Variants in OTOA observed in about 807,000 individuals in gnomAD.
OTOA encodes the protein otoancorin.
In OTOA, 70 loss-of-function variants were observed where a neutral mutation model predicts 110.8. That is an observed-to-expected ratio of 0.63 (90% confidence interval 0.52 to 0.77). The LOEUF is 0.77. Ranked by LOEUF, OTOA falls within the 30% of genes least tolerant of loss-of-function variation. The pLI is 0.00. For missense variants in OTOA, 917 were observed against 1,075.8 expected, an observed-to-expected ratio of 0.85 and a Z score of 2.06; for synonymous variants, 373 against 431.5, an observed-to-expected ratio of 0.86 and a Z score of 1.68.
rs1400568118 is a variant in OTOA at position 21,715,020 on chromosome 16, A to G, written c.1356A>G (p.Ala452=). 3.1e-6 allele frequency: 5 copies of G among 1,614,086 alleles called. No individual in the cohort carries two copies. Among genetic ancestry groups the G allele is most frequent in the African/African-American group, 1.3e-5 (1 of 74,948 alleles). The change falls in exon 14 of 29, where the codon GCA becomes GCG. Residue 452 remains alanine (A), a synonymous_variant. Coordinates refer to ENST00000646100, the MANE Select transcript of OTOA (RefSeq NM_144672.4). ...LSFYNVSQMG[A]LLAGVSTQAF... is the part of the protein sequence containing the mutation. ...TCTACAATGTCAGCCAGATGGGCGC[A>G]CTGCTGGCTGGGGTCAGCACCCAGG...
chr16:21,666,150 C>G (rs1333473542), intron 1 of OTOA, among the ~76,000 whole-genome samples: 3 of 152,022 alleles, frequency 2.0e-5, no homozygotes, highest in Non-Finnish European at 4.4e-5. Flanking sequence ...CCACTGTGAG[C>G]TGGGCCATTC....
At chr16:21,691,755 T>C in intron 9 of OTOA, 68 bp downstream of exon 9, 1 of 1,361,834 alleles carries the variant, frequency 7.3e-7, no homozygotes, top group Non-Finnish European at 1.0e-6. Flanking sequence ...GTGTTTCATC[T>C]CTGAAAACAT....
chr16:21,728,193 TC>T (rs754858542), intron 19 of OTOA, 47 bp from the exon 20 acceptor site: 56 of 1,610,048 alleles, frequency 3.5e-5, no homozygotes, highest in Non-Finnish European at 4.8e-5. Context: ...TGGCTCACGA[TC>T]TTATGCTCTG....
chr16:21,706,283 C>A (rs894586652), intron 12 of OTOA, among the ~76,000 whole-genome samples: 1 of 152,182 alleles, frequency 6.6e-6, no homozygotes, highest in Non-Finnish European at 1.5e-5. Flanking sequence ...AGCCATTGCG[C>A]CCAGCTGACG....
At chr16:21,724,304 G>T (rs1237406767) in intron 18 of OTOA, among the ~76,000 whole-genome samples, 3 of 152,138 alleles carry the variant, frequency 2.0e-5, no homozygotes, top group African/African-American at 7.2e-5. Context: ...GGAGAGACAG[G>T]GGAGACCGAA....
intron 11 of OTOA, chr16:21,704,887 T>C (rs1287622195): frequency 1.0e-5 from 8 of 776,626 alleles, no homozygotes; most frequent in Non-Finnish European, 1.9e-5. Context: ...GATTGGATCA[T>C]GCCATGAGGT....
At chr16:21,688,513 G>A (rs1897764499) in intron 8 of OTOA, among the ~76,000 whole-genome samples, 1 of 152,116 alleles carries the variant, frequency 6.6e-6, no homozygotes. Flanking sequence ...TAGTCAGATT[G>A]GGCTGCTGTA....
At chr16:21,726,385 G>A (rs527284024) in intron 18 of OTOA, 138 bp from the exon 19 acceptor site, 53 of 1,227,930 alleles carry the variant, frequency 4.3e-5, no homozygotes, top group Non-Finnish European at 6.1e-5. Context: ...CCTGCTGCAG[G>A]GAGCCAAAGC....
At chr16:21,716,760 G>GTGA (rs1898566474) in intron 14 of OTOA, 147 bp from the exon 15 acceptor site, 1 of 902,892 alleles carries the variant, frequency 1.1e-6, no homozygotes, top group Non-Finnish European at 1.8e-6. Flanking sequence ...TTCCTCACCT[G>GTGA]TGAAATGGGG....
rs758787204 is a variant in OTOA at position 21,715,139 on chromosome 16, G to A, written c.1475G>A (p.Gly492Asp). ...VSDLSPAQQQ[G>D]ILSKMVQAED... ...GACTTGTCACCTGCCCAGCAGCAAG[G>A]TATCCTCAGCAAGGTGAGAGGAAGA... Residue 492 changes from glycine (G) to aspartate (D), a missense_variant, in exon 14 of 29, where the codon GGT (glycine) becomes GAT (aspartate). By Grantham distance (94) the Gly-to-Asp change is moderately conservative. Transcript: ENST00000646100. The A allele has an allele frequency of 6.2e-7, 1 of 1,614,168 alleles. No individual in the cohort carries two copies. The highest frequency in any genetic ancestry group is 8.5e-7 in the Non-Finnish European group (1 of 1,180,010).
chr16:21,728,117 G>A (rs1022820048), intron 19 of OTOA, 124 bp from the exon 20 acceptor site: 12 of 1,195,360 alleles, frequency 1.0e-5, no homozygotes, highest in Admixed American at 1.8e-5. Flanking sequence ...TGTCTGCCTC[G>A]GCCTCCCAGA....
At chr16:21,711,409 G>T (rs1186680516) in intron 13 of OTOA, among the ~76,000 whole-genome samples, 2 of 152,128 alleles carry the variant, frequency 1.3e-5, no homozygotes, top group Non-Finnish European at 2.9e-5. Flanking sequence ...AATGTCCCTG[G>T]GTTGGGTCCA....
rs751287004 is a variant in OTOA, at chr16:21,726,524, G to A, written c.1882G>A (p.Ala628Thr). 1.9e-6 allele frequency: 3 copies of A among 1,613,362 alleles called. No individual in the cohort carries two copies. Among genetic ancestry groups the A allele is most frequent in the African/African-American group, 1.3e-5 (1 of 74,882 alleles). ...CTTGTTCTCCCCATCTCTCTCCAGG[G>A]CCCGCTACCTGGCTTCTGTCCCAGC... is the stretch of plus-strand genomic sequence containing the variant. ...MPPFLLAALP[A>T]RYLASVPASQ... The change falls in exon 19 of 29, where the codon GCC (alanine) becomes ACC (threonine). Residue 628 changes from alanine to threonine, a missense_variant and splice_region_variant. Ala to Thr is a moderately conservative substitution (Grantham distance 58). Around this residue, in one of 6 missense-constraint regions of OTOA, gnomAD observed 840 missense variants for 910.2 expected, o/e 0.92. Coordinates refer to ENST00000646100, the MANE Select transcript of OTOA (RefSeq NM_144672.4).
intron 10 of OTOA, among the ~76,000 whole-genome samples, chr16:21,698,636 T>G (rs1418861331): frequency 1.3e-5 from 2 of 152,126 alleles, no homozygotes; most frequent in Non-Finnish European, 2.9e-5. Context: ...CAAGGACCCA[T>G]TGACCCAGCA....
chr16:21,758,613 G>A (rs1212956945), intron 28 of OTOA, among the ~76,000 whole-genome samples: 3 of 149,526 alleles, frequency 2.0e-5, no homozygotes, highest in African/African-American at 7.3e-5. Flanking sequence ...TGGTGAATTG[G>A]AGTATTCCCC....
At chr16:21,712,724 A>G (rs529247272) in intron 13 of OTOA, among the ~76,000 whole-genome samples, 38 of 151,678 alleles carry the variant, frequency 2.5e-4, no homozygotes, top group African/African-American at 8.9e-4. Flanking sequence ...GGGTGCCTGT[A>G]GTCCCAGCTA....
chr16:21,716,252 T>C (rs888305482), intron 14 of OTOA, among the ~76,000 whole-genome samples: 6 of 151,864 alleles, frequency 4.0e-5, no homozygotes, highest in Non-Finnish European at 8.8e-5. Context: ...TCAGGTCCGT[T>C]CTGTCCAATG....
chr16:21,719,387 T>G lies in OTOA; in HGVS notation c.1689T>G (p.Ser563Arg). The G allele has an allele frequency of 6.2e-7, 1 of 1,613,990 alleles. No homozygotes were observed. The highest frequency in any genetic ancestry group is 8.5e-7 in the Non-Finnish European group (1 of 1,179,904). ...KTTRRPEELL[S>R]AGQLVKGVTC... is the part of the protein sequence containing the mutation. The stretch of plus-strand genomic sequence containing the variant: ...CCGAGTGCCTTGTTTTGTTTTCTAG[T>G]GCTGGGCAGCTGGTCAAAGGCGTGA... Residue 563 changes from serine to arginine, a missense_variant and splice_region_variant, in exon 17 of 29, where the codon AGT (serine) becomes AGG (arginine). Around this residue, in one of 6 missense-constraint regions of OTOA, gnomAD observed 840 missense variants for 910.2 expected, o/e 0.92. Coordinates refer to ENST00000646100, the MANE Select transcript of OTOA (RefSeq NM_144672.4).
intron 1 of OTOA, among the ~76,000 whole-genome samples, chr16:21,673,884 G>C (rs1451226474): frequency 6.6e-6 from 1 of 152,098 alleles, no homozygotes; most frequent in African/African-American, 2.4e-5. Context: ...TGCAAGCTCT[G>C]TCTCCTGGGT....
Sources: gnomAD v4.1 joint callset for allele counts (sites outside exome capture counted in the v4.1 genomes callset) on GRCh38, gnomAD v4.1.1 for gene constraint, gnomAD v4.1.1 regional missense constraint, MANE v1.5 for transcripts, NCBI Gene and HGNC (gene_info 2026-07-23, HGNC 2026-07-21) for gene names.